The following RBMS3 variants were observed in gnomAD, a reference collection of about 807,000 sequenced individuals.
RBMS3 encodes the protein RNA-binding motif, single-stranded-interacting protein 3.
RBMS3 carries 27 observed loss-of-function variants against 66.8 expected under a neutral mutation model. The observed-to-expected ratio is 0.40, with a 90% CI of 0.30 to 0.56. RBMS3 has a LOEUF of 0.56. RBMS3 is among the 20% of genes least tolerant of loss of function. RBMS3 has a pLI of 0.40. For synonymous variants in RBMS3, 188 were observed against 183.0 expected (o/e 1.03, Z -0.22); for missense variants, 513 against 549.5 (o/e 0.93, Z 0.66).
chr3:29,463,209 T>C (rs1031613316), intron 2 of RBMS3, among the ~76,000 whole-genome samples: 2 of 152,216 alleles, frequency 1.3e-5, no homozygotes, highest in Non-Finnish European at 2.9e-5. Context: ...AACCTATTTT[T>C]AGGTAAATTT....
chr3:29,675,165 A>G (rs2051188186), intron 4 of RBMS3, among the ~76,000 whole-genome samples: 1 of 152,226 alleles, frequency 6.6e-6, no homozygotes, highest in Non-Finnish European at 1.5e-5. Flanking sequence ...GACAAAAACA[A>G]GAAATGGGGA....
At chr3:29,913,167 C>T (rs1328047647) in intron 10 of RBMS3, among the ~76,000 whole-genome samples, 5 of 151,934 alleles carry the variant, frequency 3.3e-5, no homozygotes, top group Admixed American at 6.6e-5. Context: ...TGGCAGCAAA[C>T]GGAACTGATA....
intron 6 of RBMS3, among the ~76,000 whole-genome samples, chr3:29,814,457 C>G (rs1476241497): frequency 2.0e-5 from 3 of 152,080 alleles, no homozygotes; most frequent in Non-Finnish European, 4.4e-5. Context: ...TTGGTTGTGT[C>G]TCTGCCAGGC....
intron 3 of RBMS3, among the ~76,000 whole-genome samples, chr3:29,586,743 C>T (rs1019478275): frequency 6.7e-6 from 1 of 148,810 alleles, no homozygotes; most frequent in Non-Finnish European, 1.5e-5. Flanking sequence ...TGAAAATTAA[C>T]TTTAGGGAGA....
At chr3:29,729,740 AATG>A (rs1483943144) in intron 4 of RBMS3, among the ~76,000 whole-genome samples, 1 of 152,056 alleles carries the variant, frequency 6.6e-6, no homozygotes, top group Admixed American at 6.6e-5. Flanking sequence ...GATGACTAAT[AATG>A]ATGAGAATTT....
intron 6 of RBMS3, among the ~76,000 whole-genome samples, chr3:29,793,212 T>C (rs9847447): frequency 0.32 from 47,543 of 149,828 alleles, 8,289 homozygotes; most frequent in African/African-American, 0.46. Context: ...GTCTGGGCAA[T>C]GGAGTGAGAC....
At chr3:29,387,078 G>A (rs2039042528) in intron 1 of RBMS3, among the ~76,000 whole-genome samples, 1 of 152,096 alleles carries the variant, frequency 6.6e-6, no homozygotes, top group African/African-American at 2.4e-5. Context: ...AGGGGATTCT[G>A]GCGCTTAGTC....
Position 29,919,783 on chromosome 3 carries a change from G to A in RBMS3, c.940-16303G>A, listed in dbSNP as rs1474959158. Among the ~76,000 whole-genome samples, 3 of 152,160 alleles carry A rather than the reference G, an allele frequency of 2.0e-5. No homozygotes were observed. In the South Asian group the frequency reaches 6.2e-4, roughly 32 times the overall value. On this transcript the variant is annotated intron_variant, in intron 10 of 14. Coordinates refer to ENST00000383767, the MANE Select transcript of RBMS3 (RefSeq NM_001003793.3). ...TATGCAGCCCTGGCTGCATAATGCTGTCACTGCCTGAAGCAGCTGCTCCTG... is the reference window on the plus strand; with the variant it reads ...TATGCAGCCCTGGCTGCATAATGCTATCACTGCCTGAAGCAGCTGCTCCTG...
chr3:29,888,273 C>G (rs1404545003), intron 8 of RBMS3, among the ~76,000 whole-genome samples: 1 of 151,616 alleles, frequency 6.6e-6, no homozygotes, highest in African/African-American at 2.4e-5. Flanking sequence ...CTAAAGATAT[C>G]CAAATCAAGA....
intron 14 of RBMS3, among the ~76,000 whole-genome samples, chr3:30,001,282 C>T (rs185742958): frequency 6.6e-6 from 1 of 152,160 alleles, no homozygotes; most frequent in Admixed American, 6.6e-5. Context: ...TTACATGAAG[C>T]TAGTCTGTCA....
chr3:29,519,979 A>G (rs574319805), intron 3 of RBMS3, among the ~76,000 whole-genome samples: 3 of 152,308 alleles, frequency 2.0e-5, no homozygotes, highest in African/African-American at 4.8e-5. Context: ...CTTGTTTCAT[A>G]TAAGTATTTT....
intron 4 of RBMS3, among the ~76,000 whole-genome samples, chr3:29,683,926 A>G (rs2051606416): frequency 6.6e-6 from 1 of 152,182 alleles, no homozygotes; most frequent in Admixed American, 6.5e-5. Flanking sequence ...TTTGGTGTCA[A>G]TCATATATTT....
chr3:29,294,760 G>A (rs1007828347), intron 1 of RBMS3, among the ~76,000 whole-genome samples: 3 of 151,562 alleles, frequency 2.0e-5, no homozygotes, highest in South Asian at 4.2e-4. Context: ...CTGAGTTTTC[G>A]GTCCATCTTT....
chr3:29,881,662 A>G (rs1342123902), intron 7 of RBMS3, among the ~76,000 whole-genome samples: 1 of 152,174 alleles, frequency 6.6e-6, no homozygotes, highest in African/African-American at 2.4e-5. Context: ...TTTCCTTAAC[A>G]AATGTGTGTT....
intron 4 of RBMS3, among the ~76,000 whole-genome samples, chr3:29,601,800 T>C (rs1211637323): frequency 6.6e-6 from 1 of 151,960 alleles, no homozygotes; most frequent in African/African-American, 2.4e-5. Flanking sequence ...TCTTTTTTGT[T>C]TGATGATGTA....
intron 1 of RBMS3, among the ~76,000 whole-genome samples, chr3:29,347,447 A>G (rs2036642178): frequency 6.6e-6 from 1 of 152,232 alleles, no homozygotes; most frequent in Non-Finnish European, 1.5e-5. Context: ...TTAATTTAAT[A>G]CAATGAAATA....
At chr3:29,354,242 A>T (rs1244095926) in intron 1 of RBMS3, among the ~76,000 whole-genome samples, 10 of 152,112 alleles carry the variant, frequency 6.6e-5, no homozygotes. Context: ...ACTCTATCTC[A>T]TTCCACATGT....
chr3:29,687,207 T>A (rs1247221154), intron 4 of RBMS3, among the ~76,000 whole-genome samples: 1 of 152,220 alleles, frequency 6.6e-6, no homozygotes, highest in East Asian at 1.9e-4. Flanking sequence ...CTACAGATAA[T>A]AGAAGTGATT....
chr3:29,522,130 G>A (rs2044883996), intron 3 of RBMS3, among the ~76,000 whole-genome samples: 1 of 152,174 alleles, frequency 6.6e-6, no homozygotes, highest in South Asian at 2.1e-4. Context: ...AATCTAAGAA[G>A]CTAAACAGTC....
Sources: allele counts gnomAD v4.1 joint callset (sites outside exome capture counted in the v4.1 genomes callset), GRCh38; gene constraint gnomAD v4.1.1; transcripts MANE v1.5; gene names NCBI Gene and HGNC (gene_info 2026-07-23, HGNC 2026-07-21).